The following NTAQ1 variants were observed in gnomAD, a reference collection of about 807,000 sequenced individuals.
The protein encoded by NTAQ1 is N-terminal glutamine amidase 1.
In NTAQ1, 21 loss-of-function variants were observed where a neutral mutation model predicts 28.2. The ratio of observed to expected loss-of-function variants is 0.74; its 90% CI spans 0.53 to 1.07. The LOEUF (loss-of-function observed/expected upper bound fraction) is 1.07. NTAQ1 is among the 50% of genes least tolerant of loss of function. The pLI, the probability that NTAQ1 is intolerant of heterozygous loss-of-function variation, is 0.00. For synonymous variants in NTAQ1, 105 were observed against 90.0 expected, an observed-to-expected ratio of 1.17 and a Z score of -0.94; for missense variants, 264 against 256.6, an observed-to-expected ratio of 1.03 and a Z score of -0.20.
At chr8:123,423,355 C>CTTTCCTTCCTTTCCCTCCT (rs1248069236) in intron 1 of NTAQ1, among the ~76,000 whole-genome samples, 1 of 101,310 alleles carries the variant, frequency 9.9e-6, no homozygotes, top group African/African-American at 3.0e-5. Flanking sequence ...CCTTTCCCTC[C>CTTTCCTTCCTTTCCCTCCT]TTTCCTTCCT....
chr8:123,431,628 C>A (rs899072393), intron 3 of NTAQ1, among the ~76,000 whole-genome samples: 3 of 152,168 alleles, frequency 2.0e-5, no homozygotes, highest in African/African-American at 7.2e-5. Flanking sequence ...AGCCCAAGCC[C>A]CTCAGCTCTA....
chr8:123,427,834 A>G (rs1288885851), intron 1 of NTAQ1, 90 bp from the exon 2 acceptor site: 3 of 1,119,382 alleles, frequency 2.7e-6, no homozygotes, highest in Admixed American at 4.4e-5. Context: ...GTCTTTTCCA[A>G]CTTTTTGATG....
chr8:123,457,428 A>G (rs1291992294), intron 6 of NTAQ1, among the ~76,000 whole-genome samples: 3 of 152,222 alleles, frequency 2.0e-5, no homozygotes, highest in Non-Finnish European at 4.4e-5. Flanking sequence ...TAGTTGGTGC[A>G]AAAGTAATTG....
chr8:123,454,249 A>G (rs1399799933), intron 6 of NTAQ1, among the ~76,000 whole-genome samples: 2 of 152,236 alleles, frequency 1.3e-5, no homozygotes, highest in Admixed American at 1.3e-4. Flanking sequence ...TCCAAAAGGC[A>G]TTTGATTCAA....
rs1451313009 is a variant in NTAQ1, at chr8:123,441,955, C to T, written c.*540C>T. On this transcript the variant is annotated 3_prime_UTR_variant, in exon 6 of 6. Coordinates refer to ENST00000287387, the MANE Select transcript of NTAQ1 (RefSeq NM_018024.3). ...TATGGTATTGTTAAAAAGACTGCAG[C>T]CCTCTCAGACTTGAGCGTTAATTGG... The T allele has an allele frequency of 2.0e-5, 3 of 152,806 alleles. No homozygotes were observed. The highest frequency in any genetic ancestry group is 4.4e-5 in the Non-Finnish European group (3 of 68,194). 9.5% of individuals were successfully genotyped at this position (152,806 alleles called of 1,614,324 possible).
At chr8:123,419,748 C>CTCCCTCCCTTCCTTCCT (rs1813555411) in intron 1 of NTAQ1, among the ~76,000 whole-genome samples, 1 of 91,804 alleles carries the variant, frequency 1.1e-5, no homozygotes, top group South Asian at 7.0e-4. Context: ...CCCTCCCTCC[C>CTCCCTCCCTTCCTTCCT]TCCCTCCCTT....
chr8:123,432,086 G>A (rs924846701), intron 3 of NTAQ1, among the ~76,000 whole-genome samples: 4 of 152,190 alleles, frequency 2.6e-5, no homozygotes, highest in Admixed American at 1.3e-4. Context: ...CCTCGCTGCT[G>A]TCCTGTTGTA....
chr8:123,417,181 T>C (rs897158998), intron 1 of NTAQ1, among the ~76,000 whole-genome samples: 2 of 152,206 alleles, frequency 1.3e-5, no homozygotes, highest in African/African-American at 4.8e-5. Flanking sequence ...GCCTGGCGCT[T>C]GTCGGTTGGA....
chr8:123,455,076 T>C (rs537343594), intron 6 of NTAQ1: 2 of 152,304 alleles, frequency 1.3e-5, no homozygotes, highest in Non-Finnish European at 2.9e-5. Flanking sequence ...CGGATAAACC[T>C]CATTGGCTAT....
At chr8:123,462,272 T>G (rs1400849004) in intron 6 of NTAQ1, among the ~76,000 whole-genome samples, 2 of 152,206 alleles carry the variant, frequency 1.3e-5, no homozygotes, top group African/African-American at 2.4e-5. Flanking sequence ...GGTCTTGAAC[T>G]CCTGACCTCT....
In NTAQ1 at chr8:123,441,559, A is replaced by T. The variant is rs1045270; in HGVS notation, c.*144A>T. On this transcript the variant is annotated 3_prime_UTR_variant, in exon 6 of 6. Coordinates refer to ENST00000287387, the MANE Select transcript of NTAQ1 (RefSeq NM_018024.3). The stretch of plus-strand genomic sequence containing the variant: ...TTTGATTGAGTGGAAATCTGAGTGA[A>T]TACAAATATAAATGAACAACATAAA... 1.4e-6 allele frequency: 1 copy of T among 694,156 alleles called. No homozygotes were observed. The allele number at this position is 694,156 out of a possible 1,614,324, so 43.0% of individuals were successfully genotyped here.
intron 1 of NTAQ1, among the ~76,000 whole-genome samples, chr8:123,424,781 C>A: frequency 6.6e-6 from 1 of 152,200 alleles, no homozygotes; most frequent in Non-Finnish European, 1.5e-5. Context: ...CTTCCCATAT[C>A]CCTCCGAATT....
intron 6 of NTAQ1, among the ~76,000 whole-genome samples, chr8:123,447,401 C>A (rs527939186): frequency 3.3e-5 from 5 of 151,872 alleles, no homozygotes; most frequent in Non-Finnish European, 7.4e-5. Flanking sequence ...TTGATAATCA[C>A]CCTGGTTTTA....
downstream of NTAQ1, among the ~76,000 whole-genome samples, chr8:123,449,974 T>TATATATATATATGA (rs371673968): frequency 0.03 from 1,690 of 56,034 alleles, 444 homozygotes; most frequent in East Asian, 0.041. Context: ...TATATATATA[T>TATATATATATATGA]GCTGGATAAA....
chr8:123,425,007 T>C (rs1813957001), intron 1 of NTAQ1, among the ~76,000 whole-genome samples: 1 of 152,220 alleles, frequency 6.6e-6, no homozygotes, highest in South Asian at 2.1e-4. Flanking sequence ...AATTGTCTTC[T>C]TCAAACCTGG....
intron 1 of NTAQ1, among the ~76,000 whole-genome samples, chr8:123,426,303 G>A (rs1814050747): frequency 6.6e-6 from 1 of 152,194 alleles, no homozygotes; most frequent in Non-Finnish European, 1.5e-5. Flanking sequence ...ACGTAGAAGA[G>A]AGATTCATCT....
At chr8:123,475,304 T>G in the NTAQ1 span, among the ~76,000 whole-genome samples, 27 of 152,256 alleles carry the variant, frequency 1.8e-4, no homozygotes, top group South Asian at 5.6e-3. Flanking sequence ...TTGTACTTTC[T>G]TTGCCCCAAC....
intron 3 of NTAQ1, among the ~76,000 whole-genome samples, chr8:123,432,687 A>ATT (rs113304588): frequency 4.2e-4 from 62 of 146,730 alleles, no homozygotes; most frequent in Middle Eastern, 3.5e-3. Context: ...TTATTTATGT[A>ATT]TTTTTTTTTT....
chr8:123,436,650 A>G, intron 4 of NTAQ1, 49 bp downstream of exon 4: 1 of 1,577,114 alleles, frequency 6.3e-7, no homozygotes, highest in Non-Finnish European at 8.6e-7. Flanking sequence ...TAAGAATTTG[A>G]CGATTCCACA....
Sources: gnomAD v4.1 joint callset for allele counts (sites outside exome capture counted in the v4.1 genomes callset) on GRCh38, gnomAD v4.1.1 for gene constraint, MANE v1.5 for transcripts, NCBI Gene and HGNC (gene_info 2026-07-23, HGNC 2026-07-21) for gene names.